The following FBL variants were observed in gnomAD, a reference collection of about 807,000 sequenced individuals.
FBL encodes the protein fibrillarin rRNA 2'-O-methyltransferase, also known as rRNA 2'-O-methyltransferase fibrillarin.
Under a neutral mutation model 42.2 loss-of-function variants are expected in FBL, and 10 were observed. The observed-to-expected ratio is 0.24, with a 90% CI of 0.15 to 0.40. The LOEUF is 0.40. Among genes scored for constraint, FBL ranks in the 10% least tolerant of loss-of-function variants. FBL has a pLI of 1.00. For synonymous variants in FBL, 165 were observed against 165.4 expected (o/e 1.00, Z 0.02); for missense variants, 351 against 439.2 (o/e 0.80, Z 1.79).
chr19:39,840,395 C>T lies in FBL; in HGVS notation c.283+19G>A. ...TCCCTGCCCCGAAGCTCAGCCGGCT[C>T]CCTGCCTTCCTCACTCACCCTCATG... On this transcript the variant is annotated intron_variant, in intron 3 of 8. Coordinates refer to ENST00000221801, the MANE Select transcript of FBL (RefSeq NM_001436.4). The surrounding 1 kb of genome is among the most constrained non-coding windows in gnomAD (Gnocchi z 4.5). The T allele has an allele frequency of 6.2e-7, 1 of 1,613,720 alleles. No individual in the cohort carries two copies. The highest frequency in any genetic ancestry group is 1.1e-5 in the South Asian group (1 of 91,064).
In FBL at chr19:39,838,088, T is replaced by G. The variant is rs2145057909; in HGVS notation, c.550-245A>C. The G allele has an allele frequency of 1.1e-5, 5 of 442,094 alleles. No homozygotes were observed. In the South Asian group the frequency reaches 1.3e-4, roughly 11 times the overall value. The allele number at this position is 442,094 out of a possible 1,614,324, so 27.4% of individuals were successfully genotyped here. A position where few individuals can be genotyped will look rare whatever the true frequency, so the allele number is the denominator to read the frequency against. On this transcript the variant is annotated intron_variant, in intron 5 of 8. Coordinates refer to ENST00000221801, the MANE Select transcript of FBL (RefSeq NM_001436.4). ...AATCCCATCTGCCTGAGAGCCCAGG[T>G]TCCCAACAGAGGCTTAAAACCAGGA...
intron 1 of FBL, among the ~76,000 whole-genome samples, chr19:39,843,662 T>G (rs1969204204): frequency 6.6e-6 from 1 of 152,098 alleles, no homozygotes; most frequent in Non-Finnish European, 1.5e-5. Context: ...TCCCAGCTAC[T>G]CAAAAGGCTG....
At chr19:39,835,449 C>G (rs1244195658) in intron 7 of FBL, among the ~76,000 whole-genome samples, 1 of 151,740 alleles carries the variant, frequency 6.6e-6, no homozygotes, top group Admixed American at 6.6e-5. Context: ...AACCCAGGAA[C>G]TGGAGGTTGC....
At chr19:39,838,856 G>A (rs1226499236) in intron 5 of FBL, 179 bp downstream of exon 5, 4 of 600,038 alleles carry the variant, frequency 6.7e-6, no homozygotes, top group Non-Finnish European at 1.2e-5. Flanking sequence ...AAGAACCCAG[G>A]AGTGAGGTTG....
At chr19:39,836,705 A>C in intron 6 of FBL, 37 bp from the exon 7 acceptor site, 1 of 1,531,288 alleles carries the variant, frequency 6.5e-7, no homozygotes, top group Non-Finnish European at 9.0e-7. Flanking sequence ...AGTTGGAGTC[A>C]CAGGGATCAC....
At chr19:39,843,437 A>G (rs537814910) in intron 1 of FBL, among the ~76,000 whole-genome samples, 4 of 152,326 alleles carry the variant, frequency 2.6e-5, no homozygotes, top group Admixed American at 2.0e-4. Flanking sequence ...AGGAAGGTTC[A>G]TAGGGGTCTT....
chr19:39,837,062 AAAC>A (rs1308524760), intron 6 of FBL, among the ~76,000 whole-genome samples: 2 of 152,236 alleles, frequency 1.3e-5, no homozygotes, highest in African/African-American at 4.8e-5. Flanking sequence ...TGTGAAATGA[AAAC>A]AAGTTGCAGA....
intron 7 of FBL, among the ~76,000 whole-genome samples, chr19:39,835,378 G>A (rs1969021196): frequency 6.6e-6 from 1 of 152,108 alleles, no homozygotes; most frequent in African/African-American, 2.4e-5. Context: ...AATTAGTCGG[G>A]TGTGGTGGCG....
intron 1 of FBL, among the ~76,000 whole-genome samples, chr19:39,842,256 T>G (rs562729528): frequency 6.6e-6 from 1 of 152,240 alleles, no homozygotes; most frequent in South Asian, 2.1e-4. Context: ...CGGCTAATTT[T>G]TTTGTATTTT....
Position 39,834,731 on chromosome 19 carries a change from G to A in FBL, c.878C>T (p.Pro293Leu). ...VKKMQQENMK[P>L]QEQLTLEPYE... ...TGGCTCAAGGGTCAACTGCTCCTGC[G>A]GCTTCATGTTCTCCTGTTGCATCTT... is the stretch of plus-strand genomic sequence containing the variant. Residue 293 changes from proline (P) to leucine (L), a missense_variant, in exon 8 of 9, where the codon CCG becomes CTG. Transcript: ENST00000221801. The A allele has an allele frequency of 1.2e-6, 2 of 1,614,158 alleles. No individual in the cohort carries two copies. Among genetic ancestry groups the A allele is most frequent in the Non-Finnish European group, 1.7e-6 (2 of 1,180,036 alleles).
At position 39,838,042 on chromosome 19, in the gene FBL, C is replaced by T; in HGVS notation, c.550-199G>A. 5.7e-6 allele frequency: 3 copies of T among 525,288 alleles called. No individual in the cohort carries two copies. In the South Asian group the frequency reaches 7.0e-5, roughly 12 times the overall value. The allele number at this position is 525,288 out of a possible 1,614,324, so 32.5% of individuals were successfully genotyped here. A position where few individuals can be genotyped will look rare whatever the true frequency, so the allele number is the denominator to read the frequency against. ...ATAAAGTCACTGGCCAAGAGTTATT[C>T]AGCAAGTAGCAAAAGTACCCAATCC... On this transcript the variant is annotated intron_variant, in intron 5 of 8. Coordinates refer to ENST00000221801, the MANE Select transcript of FBL (RefSeq NM_001436.4).
At chr19:39,836,494 GAT>G in intron 7 of FBL, 60 bp downstream of exon 7, 1 of 1,095,788 alleles carries the variant, frequency 9.1e-7, no homozygotes, top group Non-Finnish European at 1.4e-6. Flanking sequence ...GACAGATACA[GAT>G]AGAGAAGATA....
At position 39,839,099 on chromosome 19, in the gene FBL, T is replaced by C; in HGVS notation, c.485A>G (p.Lys162Arg). Residue 162 changes from lysine to arginine, a missense_variant, in exon 5 of 9, where the codon AAG becomes AGG. By Grantham distance (26) the Lys-to-Arg change is conservative. Transcript: ENST00000221801. ...CGAGGCAGCCCCGAGGTAGAGAACC[T>C]TAGCCCCCGGTTTGATGTGGATCTG... is the stretch of plus-strand genomic sequence containing the variant. ...VDQIHIKPGA[K>R]VLYLGAASGT... 1 of 1,614,166 alleles carries C rather than the reference T, an allele frequency of 6.2e-7. No homozygotes were observed. Among genetic ancestry groups the C allele is most frequent in the Non-Finnish European group, 8.5e-7 (1 of 1,180,012 alleles).
intron 1 of FBL, 136 bp downstream of exon 1, chr19:39,846,155 C>G (rs533865694): frequency 9.8e-7 from 1 of 1,016,030 alleles, no homozygotes; most frequent in Admixed American, 1.9e-5. Flanking sequence ...TCAGAATCCC[C>G]CTTCCCACAG....
In FBL at chr19:39,845,718, G is replaced by GT. The variant is rs529410791; in HGVS notation, c.10+572dup. On this transcript the variant is annotated intron_variant, in intron 1 of 8. Coordinates refer to ENST00000221801, the MANE Select transcript of FBL (RefSeq NM_001436.4). ...TCCATCCCCGGGGATCCGCCCCACTGTAAGTGCAGAAGGCGGGAAAGTGAG... is the reference window on the plus strand; with the variant it reads ...TCCATCCCCGGGGATCCGCCCCACTGTTAAGTGCAGAAGGCGGGAAAGTGAG... 1.1e-4 allele frequency among the ~76,000 whole-genome samples: 16 copies of GT among 152,364 alleles called. No individual in the cohort carries two copies. The South Asian group carries it at 2.9e-3, about 28-fold the overall frequency.
intron 1 of FBL, among the ~76,000 whole-genome samples, chr19:39,845,188 G>T (rs1969237654): frequency 6.6e-6 from 1 of 152,150 alleles, no homozygotes; most frequent in African/African-American, 2.4e-5. Flanking sequence ...TTGGGCCATG[G>T]TGGAAATTCT....
chr19:39,838,157 C>G (rs1599655898), intron 5 of FBL: 2 of 270,514 alleles, frequency 7.4e-6, no homozygotes, highest in East Asian at 1.8e-4. Context: ...AACCACTGCT[C>G]TAAGCACCTT....
chr19:39,838,772 T>C (rs984637226), intron 5 of FBL: 10 of 348,796 alleles, frequency 2.9e-5, no homozygotes, highest in East Asian at 9.4e-5. Context: ...TCAAATCAAA[T>C]AGTCTGGTAT....
At chr19:39,844,800 C>T (rs1022388245) in intron 1 of FBL, among the ~76,000 whole-genome samples, 4 of 152,184 alleles carry the variant, frequency 2.6e-5, no homozygotes, top group Non-Finnish European at 4.4e-5. Flanking sequence ...TTAAAAATGT[C>T]AGACTGCACC....
Sources: gnomAD v4.1 joint callset for allele counts (sites outside exome capture counted in the v4.1 genomes callset) on GRCh38, gnomAD v4.1.1 for gene constraint, Gnocchi (gnomAD v3.1) non-coding constraint, MANE v1.5 for transcripts, NCBI Gene and HGNC (gene_info 2026-07-23, HGNC 2026-07-21) for gene names.